Variants in MAP3K20 observed in about 807,000 individuals in gnomAD.
MAP3K20 encodes HCCS-4.
Under a neutral mutation model 85.7 loss-of-function variants are expected in MAP3K20, and 40 were observed. The ratio of observed to expected loss-of-function variants is 0.47; its 90% CI spans 0.36 to 0.61. The LOEUF (loss-of-function observed/expected upper bound fraction) is 0.61. Ranked by LOEUF, MAP3K20 falls within the 20% of genes least tolerant of loss-of-function variation. The pLI is 0.00. For synonymous variants in MAP3K20, 325 were observed against 327.7 expected (o/e 0.99, Z 0.09); for missense variants, 817 against 961.7 (o/e 0.85, Z 1.99).
At chr2:173,151,378 C>T (rs572093057) in intron 2 of MAP3K20, among the ~76,000 whole-genome samples, 1 of 152,314 alleles carries the variant, frequency 6.6e-6, no homozygotes, top group East Asian at 1.9e-4. Context: ...GAGACTAGAT[C>T]ATTCCATCTG....
chr2:173,225,262 A>T (rs973035357), intron 11 of MAP3K20: 16 of 464,232 alleles, frequency 3.4e-5, no homozygotes, highest in African/African-American at 3.4e-4. Context: ...GAATAGTAAC[A>T]TTATGAATGC....
intron 11 of MAP3K20, among the ~76,000 whole-genome samples, chr2:173,217,808 T>G (rs190859882): frequency 1.3e-5 from 2 of 152,320 alleles, no homozygotes; most frequent in East Asian, 3.9e-4. Flanking sequence ...GGACAAGCTT[T>G]CAGTATTTAT....
chr2:173,078,726 T>A (rs6713095), intron 1 of MAP3K20, among the ~76,000 whole-genome samples: 2 of 152,128 alleles, frequency 1.3e-5, no homozygotes, highest in African/African-American at 4.8e-5. Context: ...AAGCCTCAAA[T>A]TGAACTTTAG....
At chr2:173,156,383 A>G (rs1366999968) in intron 2 of MAP3K20, among the ~76,000 whole-genome samples, 2 of 152,174 alleles carry the variant, frequency 1.3e-5, no homozygotes, top group East Asian at 3.9e-4. Flanking sequence ...GGGAGTAAGC[A>G]TAAGAGATTG....
At chr2:173,078,085 C>T (rs1686914712) in intron 1 of MAP3K20, among the ~76,000 whole-genome samples, 2 of 152,120 alleles carry the variant, frequency 1.3e-5, no homozygotes, top group Non-Finnish European at 1.5e-5. Context: ...GAAAATAAGT[C>T]AGATGTAAGG....
intron 11 of MAP3K20, among the ~76,000 whole-genome samples, chr2:173,220,158 T>C (rs1330280952): frequency 1.3e-5 from 2 of 152,178 alleles, no homozygotes; most frequent in Non-Finnish European, 2.9e-5. Flanking sequence ...ATCATAAATG[T>C]ATCCATATTG....
intron 2 of MAP3K20, among the ~76,000 whole-genome samples, chr2:173,165,781 A>G (rs1456513909): frequency 6.6e-6 from 1 of 152,104 alleles, no homozygotes; most frequent in African/African-American, 2.4e-5. Context: ...AAGCCATCCT[A>G]CTGCCTCAGC....
chr2:173,217,158 C>T lies in MAP3K20; in HGVS notation c.895C>T (p.Arg299Cys), dbSNP rs769152898. 3 of 1,603,156 alleles carry T rather than the reference C, an allele frequency of 1.9e-6. No homozygotes were observed. Among genetic ancestry groups the T allele is most frequent in the African/African-American group, 1.3e-5 (1 of 74,530 alleles). ...TCTTGAGAGGCTAAAGAAACTAGAG[C>T]GTGATCTCAGCTTTAAGGAGCAGGA... ...ATLERLKKLE[R>C]DLSFKEQELK... Residue 299 changes from arginine (R) to cysteine (C), a missense_variant, in exon 11 of 20, where the codon CGT becomes TGT. Arg to Cys is a radical substitution (Grantham distance 180). Coordinates refer to ENST00000375213, the MANE Select transcript of MAP3K20 (RefSeq NM_016653.3).
At chr2:173,209,944 AGCTTAGGG>A in intron 10 of MAP3K20, 109 bp downstream of exon 10, 1 of 984,128 alleles carries the variant, frequency 1.0e-6, no homozygotes, top group Admixed American at 2.1e-5. Flanking sequence ...TTCTGACCAT[AGCTTAGGG>A]AAAAAGAAAA....
intron 3 of MAP3K20, among the ~76,000 whole-genome samples, chr2:173,173,175 TG>T (rs1690053094): frequency 4.6e-5 from 6 of 131,290 alleles, no homozygotes; most frequent in Non-Finnish European, 1.0e-4. Context: ...TGTGTGTGTG[TG>T]TGTGTGTGTG....
intron 5 of MAP3K20, among the ~76,000 whole-genome samples, chr2:173,187,994 T>G (rs1419233909): frequency 6.6e-6 from 1 of 152,242 alleles, no homozygotes; most frequent in Admixed American, 6.5e-5. Flanking sequence ...ATTTTTAGTC[T>G]TCTATTTTTA....
At chr2:173,088,550 C>T (rs1303246702) in intron 1 of MAP3K20, among the ~76,000 whole-genome samples, 3 of 152,206 alleles carry the variant, frequency 2.0e-5, no homozygotes, top group South Asian at 2.1e-4. Context: ...AAATTAGTTG[C>T]GTCTAGAGAG....
intron 18 of MAP3K20, 34 bp from the exon 19 acceptor site, chr2:173,263,711 T>C: frequency 6.3e-7 from 1 of 1,592,764 alleles, no homozygotes; most frequent in African/African-American, 1.4e-5. Context: ...CTATTTGTCT[T>C]TTTTTTGTCT....
intron 7 of MAP3K20, among the ~76,000 whole-genome samples, chr2:173,196,524 G>GTGAATTT: frequency 6.6e-6 from 1 of 152,342 alleles, no homozygotes; most frequent in South Asian, 2.1e-4. Context: ...AGAGGCTTCA[G>GTGAATTT]TGAATTTTTT....
At chr2:173,086,953 G>A (rs1036765349) in intron 1 of MAP3K20, among the ~76,000 whole-genome samples, 1 of 152,232 alleles carries the variant, frequency 6.6e-6, no homozygotes, top group African/African-American at 2.4e-5. Flanking sequence ...TTCCAAATCA[G>A]GATTTGCTTC....
intron 2 of MAP3K20, among the ~76,000 whole-genome samples, chr2:173,095,123 C>G (rs78838266): frequency 0.017 from 2,548 of 152,236 alleles, 69 homozygotes; most frequent in African/African-American, 0.058. Context: ...TTTTGGAATT[C>G]AGAATGTTAT....
chr2:173,240,874 C>T (rs1684763612), intron 16 of MAP3K20, among the ~76,000 whole-genome samples: 1 of 152,158 alleles, frequency 6.6e-6, no homozygotes, highest in Non-Finnish European at 1.5e-5. Context: ...CCTAAGTGCC[C>T]ATCAACAGAT....
In MAP3K20 at chr2:173,133,773, A is replaced by C. The variant is rs187718657; in HGVS notation, c.160-36032A>C. 3.6e-3 allele frequency among the ~76,000 whole-genome samples: 550 copies of C among 151,980 alleles called. 1 individual carries two copies. The highest frequency in any genetic ancestry group is 0.01 in the Middle Eastern group (3 of 294). On this transcript the variant is annotated intron_variant, in intron 2 of 19. Coordinates refer to ENST00000375213, the MANE Select transcript of MAP3K20 (RefSeq NM_016653.3). ...ATTCATGCGGGCGGATCACGAGGTC[A>C]GGAGATTGAGACCATCCTGGCTAAC... is the stretch of plus-strand genomic sequence containing the variant.
At chr2:173,157,657 A>T (rs544343652) in intron 2 of MAP3K20, among the ~76,000 whole-genome samples, 1 of 152,358 alleles carries the variant, frequency 6.6e-6, no homozygotes, top group South Asian at 2.1e-4. Context: ...AGATTGTGAG[A>T]GTTGCTCAAA....
Sources: gnomAD v4.1 joint callset for allele counts (sites outside exome capture counted in the v4.1 genomes callset) on GRCh38, gnomAD v4.1.1 for gene constraint, MANE v1.5 for transcripts, NCBI Gene and HGNC (gene_info 2026-07-23, HGNC 2026-07-21) for gene names.